CFAP20DC: variants seen among roughly 807,000 people sequenced by gnomAD.
CFAP20DC encodes the protein protein CFAP20DC.
A neutral mutation model predicts 101.7 loss-of-function variants in CFAP20DC; 84 were observed. The ratio of observed to expected loss-of-function variants is 0.83; its 90% CI spans 0.69 to 0.99. The LOEUF (loss-of-function observed/expected upper bound fraction) is 0.99, where lower values mean the gene tolerates loss of function less well. Among genes scored for constraint, CFAP20DC ranks in the 50% least tolerant of loss-of-function variants. The pLI, the probability that CFAP20DC is intolerant of heterozygous loss-of-function variation, is 0.00. For missense variants in CFAP20DC, 1,007 were observed against 970.3 expected, an observed-to-expected ratio of 1.04 and a Z score of -0.50; for synonymous variants, 359 against 351.2, an observed-to-expected ratio of 1.02 and a Z score of -0.25.
intron 4 of CFAP20DC, among the ~76,000 whole-genome samples, chr3:58,952,602 A>G (rs1401687480): frequency 2.0e-5 from 3 of 152,170 alleles, no homozygotes; most frequent in East Asian, 1.9e-4. Flanking sequence ...CTCTCTATCA[A>G]TGTCCCAACC....
At chr3:58,796,866 T>C (rs2073290228) in intron 15 of CFAP20DC, among the ~76,000 whole-genome samples, 1 of 152,172 alleles carries the variant, frequency 6.6e-6, no homozygotes, top group African/African-American at 2.4e-5. Context: ...TCATTACTGT[T>C]CTATCTGTTA....
rs2079244481 is a variant in CFAP20DC at position 58,861,485 on chromosome 3, C to T, written c.1593+2073G>A. On this transcript the variant is annotated intron_variant, in intron 12 of 16. Coordinates refer to ENST00000482387, the MANE Select transcript of CFAP20DC (RefSeq NM_001394063.1). The surrounding 1 kb of genome is among the most constrained non-coding windows in gnomAD (Gnocchi z 4.0). The stretch of plus-strand genomic sequence containing the variant: ...TAGCCTAATTTCCCATTGATTTATA[C>T]AATTAATAAATAGAAGAAGCTATCC... 1.1e-6 allele frequency: 1 copy of T among 912,420 alleles called. No homozygotes were observed. Among genetic ancestry groups the T allele is most frequent in the Non-Finnish European group, 1.3e-6 (1 of 763,666 alleles). 56.5% of individuals were successfully genotyped at this position (912,420 alleles called of 1,614,324 possible). A position where few individuals can be genotyped will look rare whatever the true frequency, so the allele number is the denominator to read the frequency against.
Position 59,049,802 on chromosome 3 carries a change from G to T in CFAP20DC, c.-171C>A. 2 of 730,770 alleles carry T rather than the reference G, an allele frequency of 2.7e-6. No homozygotes were observed. Among genetic ancestry groups the T allele is most frequent in the South Asian group, 3.7e-5 (2 of 53,436 alleles). The allele number at this position is 730,770 out of a possible 1,614,324, so 45.3% of individuals were successfully genotyped here. A position where few individuals can be genotyped will look rare whatever the true frequency, so the allele number is the denominator to read the frequency against. ...GCTCTTCTCAGCCCCTCCGGCCCCT[G>T]GTCAGCTCCATCTCCCGCCCTCCAT... On this transcript the variant is annotated 5_prime_UTR_variant, in exon 1 of 17. Transcript: ENST00000482387.
At chr3:58,969,115 T>TA (rs2091784930) in intron 4 of CFAP20DC, among the ~76,000 whole-genome samples, 1 of 152,164 alleles carries the variant, frequency 6.6e-6, no homozygotes, top group Non-Finnish European at 1.5e-5. Flanking sequence ...TGTAGCCCTG[T>TA]AGTATAGTTG....
chr3:58,823,128 T>A (rs532989066), intron 14 of CFAP20DC, among the ~76,000 whole-genome samples: 2 of 152,284 alleles, frequency 1.3e-5, no homozygotes, highest in East Asian at 3.9e-4. Flanking sequence ...TTCATTTCCT[T>A]ATAAAGACTC....
At position 58,742,315 on chromosome 3, in the gene CFAP20DC, ATTAT is replaced by A; in HGVS notation, c.*141_*144del. On this transcript the variant is annotated 3_prime_UTR_variant, in exon 17 of 17. Transcript: ENST00000482387. Reference sequence around the variant, plus strand: ...AATATAGGTATTCTTAACGTTGAACATTATTTACAAAATGAATTCGTTTCTCTCA... The same window carrying A: ...AATATAGGTATTCTTAACGTTGAACATTACAAAATGAATTCGTTTCTCTCA... 2 of 1,262,622 alleles carry A rather than the reference ATTAT, an allele frequency of 1.6e-6. No homozygotes were observed. The highest frequency in any genetic ancestry group is 5.9e-5 in the South Asian group (2 of 33,660). The allele number at this position is 1,262,622 out of a possible 1,614,324, so 78.2% of individuals were successfully genotyped here. A position where few individuals can be genotyped will look rare whatever the true frequency, so the allele number is the denominator to read the frequency against.
chr3:58,962,254 AT>A (rs1198134299), intron 4 of CFAP20DC, among the ~76,000 whole-genome samples: 1 of 152,042 alleles, frequency 6.6e-6, no homozygotes, highest in African/African-American at 2.4e-5. Flanking sequence ...TATTTTCCTT[AT>A]TATTCATCCT....
chr3:58,933,797 C>T (rs187896292), intron 5 of CFAP20DC, among the ~76,000 whole-genome samples: 33 of 152,004 alleles, frequency 2.2e-4, no homozygotes, highest in African/African-American at 7.7e-4. Flanking sequence ...ATTTATAGCA[C>T]TAAATGCCCA....
chr3:58,753,613 A>C (rs969586320), intron 16 of CFAP20DC, 156 bp downstream of exon 16: 41 of 596,468 alleles, frequency 6.9e-5, no homozygotes, highest in Admixed American at 1.7e-4. Flanking sequence ...AGAACCCATT[A>C]TTCTAAAAAA....
rs1285646009 is a variant in CFAP20DC at position 58,874,523 on chromosome 3, CT to C, written c.716-4215del. ...CAAAACCCTGCATGTTCTGACATGTCTGAGTATCTTACACCTCTCGTTTTCT... is the reference window on the plus strand; with the variant it reads ...CAAAACCCTGCATGTTCTGACATGTCGAGTATCTTACACCTCTCGTTTTCT... On this transcript the variant is annotated intron_variant, in intron 7 of 16. Coordinates refer to ENST00000482387, the MANE Select transcript of CFAP20DC (RefSeq NM_001394063.1). The surrounding 1 kb of genome is among the most constrained non-coding windows in gnomAD (Gnocchi z 5.1). Among the ~76,000 whole-genome samples the C allele has an allele frequency of 6.6e-6, 1 of 152,176 alleles. No individual in the cohort carries two copies. The highest frequency in any genetic ancestry group is 1.5e-5 in the Non-Finnish European group (1 of 68,032).
intron 7 of CFAP20DC, among the ~76,000 whole-genome samples, 166 bp downstream of exon 7, chr3:58,884,379 T>C (rs896718728): frequency 6.6e-6 from 1 of 152,214 alleles, no homozygotes; most frequent in African/African-American, 2.4e-5. Context: ...CCTGGCCTTG[T>C]TAGTAATCTG....
intron 14 of CFAP20DC, among the ~76,000 whole-genome samples, chr3:58,810,926 C>A (rs577624211): frequency 2.0e-5 from 3 of 151,860 alleles, no homozygotes; most frequent in Admixed American, 2.0e-4. Flanking sequence ...AAACAGAGAG[C>A]CAAATCATGA....
Position 58,884,434 on chromosome 3 carries a change from A to T in CFAP20DC, c.715+111T>A. The T allele has an allele frequency of 1.0e-5, 10 of 961,022 alleles. No individual in the cohort carries two copies. In the South Asian group the frequency reaches 1.6e-4, roughly 15 times the overall value. The allele number at this position is 961,022 out of a possible 1,614,324, so 59.5% of individuals were successfully genotyped here. ...GGTATGTGGCAAGTATACTCTGTTA[A>T]GTGCGAAGGATATAGAAGAATGAGG... On this transcript the variant is annotated intron_variant, in intron 7 of 16. Coordinates refer to ENST00000482387, the MANE Select transcript of CFAP20DC (RefSeq NM_001394063.1).
Position 58,950,723 on chromosome 3 carries a change from G to A in CFAP20DC, c.279-12961C>T, listed in dbSNP as rs907905824. Among the ~76,000 whole-genome samples the A allele has an allele frequency of 1.2e-3, 176 of 152,280 alleles. 2 individuals carry two copies. The highest frequency in any genetic ancestry group is 3.5e-4 in the Non-Finnish European group (24 of 68,020). On this transcript the variant is annotated intron_variant, in intron 4 of 16. Coordinates refer to ENST00000482387, the MANE Select transcript of CFAP20DC (RefSeq NM_001394063.1). ...GGCTAGCCATATGTAGAAAGCTGAA[G>A]CTGGATCTCTTCCTTACAGCTCATA...
downstream of CFAP20DC, among the ~76,000 whole-genome samples, chr3:58,716,808 C>G (rs1421060273): frequency 2.0e-5 from 3 of 152,090 alleles, no homozygotes; most frequent in African/African-American, 7.2e-5. Flanking sequence ...GGGCCTCACT[C>G]AAAGCTAGCA....
intron 15 of CFAP20DC, among the ~76,000 whole-genome samples, chr3:58,805,753 A>C (rs1290977533): frequency 6.6e-6 from 1 of 152,244 alleles, no homozygotes; most frequent in African/African-American, 2.4e-5. Context: ...GTTGTAGAAT[A>C]ATACAGCATG....
At chr3:59,011,040 C>T (rs901117241) in intron 4 of CFAP20DC, among the ~76,000 whole-genome samples, 5 of 152,122 alleles carry the variant, frequency 3.3e-5, no homozygotes, top group Admixed American at 6.6e-5. Context: ...CTTCTCAAAA[C>T]CTCTGGGATA....
chr3:58,913,811 C>T lies in CFAP20DC; in HGVS notation c.447G>A (p.Gly149=), dbSNP rs146568930. Reference sequence around the variant, plus strand: ...TTCCATCCAATGACTGGAAAACTGCCCCCTTGAATATTTCACTGGTGAATG... The same window carrying T: ...TTCCATCCAATGACTGGAAAACTGCTCCCTTGAATATTTCACTGGTGAATG... ...LVAFTSEIFK[G]AVFQSLDGIV... Residue 149 remains glycine, a synonymous_variant, in exon 6 of 17, where the codon GGG becomes GGA. Transcript: ENST00000482387. This position sits in a 1 kb window ranked among gnomAD's most constrained non-coding sequence, Gnocchi z 4.4. The T allele has an allele frequency of 6.2e-7, 1 of 1,613,608 alleles. No individual in the cohort carries two copies.
At position 58,819,520 on chromosome 3, in the gene CFAP20DC, G is replaced by A. The variant is rs370190387; in HGVS notation, c.2175+12166C>T. Among the ~76,000 whole-genome samples, 163 of 149,470 alleles carry A rather than the reference G, an allele frequency of 1.1e-3. 2 individuals carry two copies. The East Asian group carries it at 0.026, about 24-fold the overall frequency. On this transcript the variant is annotated intron_variant, in intron 14 of 16. Transcript: ENST00000482387. ...CAGAGAATACTACAAACACCTCTAC[G>A]CAAATAAACTAGAAAATCTAGAAGA...
Sources: allele counts gnomAD v4.1 joint callset (sites outside exome capture counted in the v4.1 genomes callset), GRCh38; gene constraint gnomAD v4.1.1; non-coding constraint Gnocchi (gnomAD v3.1); transcripts MANE v1.5; gene names NCBI Gene and HGNC (gene_info 2026-07-23, HGNC 2026-07-21).